Variants in FURIN observed in about 807,000 individuals in gnomAD.
FURIN encodes the protein furin, paired basic amino acid cleaving enzyme.
In FURIN, 18 loss-of-function variants were observed where a neutral mutation model predicts 89.2. That is an observed-to-expected ratio of 0.20 (90% CI 0.14 to 0.30). The LOEUF is 0.30. Among genes scored for constraint, FURIN ranks in the 10% least tolerant of loss-of-function variants. The pLI is 1.00. For synonymous variants in FURIN, 508 were observed against 466.4 expected, an observed-to-expected ratio of 1.09 and a Z score of -1.15; for missense variants, 879 against 1,100.5, an observed-to-expected ratio of 0.80 and a Z score of 2.85.
chr15:90,872,269 C>G (rs973101875), intron 1 of FURIN, among the ~76,000 whole-genome samples: 1 of 152,106 alleles, frequency 6.6e-6, no homozygotes, highest in Non-Finnish European at 1.5e-5. Context: ...GGCCGAGGCC[C>G]CTGTGCCCCC....
rs529362536 is a variant in FURIN, at chr15:90,878,169, G to A, written c.705G>A (p.Val235=). 3 of 1,613,932 alleles carry A rather than the reference G, an allele frequency of 1.9e-6. No individual in the cohort carries two copies. In the African/African-American group the frequency reaches 4.0e-5, roughly 22 times the overall value. The change falls in exon 8 of 16, where the codon GTG becomes GTA. Residue 235 remains valine (V), a synonymous_variant. Transcript: ENST00000268171. ...RMLDGEVTDA[V]EARSLGLNPN... ...TGGATGGCGAGGTGACAGATGCAGT[G>A]GAGGCACGCTCGCTGGGCCTGAACC... is the stretch of plus-strand genomic sequence containing the variant.
chr15:90,879,631 A>G (rs780168133), intron 10 of FURIN, 40 bp from the exon 11 acceptor site: 3 of 1,591,284 alleles, frequency 1.9e-6, no homozygotes, highest in Non-Finnish European at 2.6e-6. Context: ...GCTGCTCCCA[A>G]AAAAGACTGA....
At chr15:90,873,476 C>T (rs1212819635) in intron 1 of FURIN, among the ~76,000 whole-genome samples, 3 of 152,216 alleles carry the variant, frequency 2.0e-5, no homozygotes, top group South Asian at 2.1e-4. Context: ...ACTCACAGCA[C>T]GGTGGTTGGT....
At chr15:90,874,339 C>G (rs1005726362) in intron 1 of FURIN, among the ~76,000 whole-genome samples, 2 of 152,238 alleles carry the variant, frequency 1.3e-5, no homozygotes, top group South Asian at 2.1e-4. Context: ...TGCCTGGGCT[C>G]GGATTACGCA....
chr15:90,880,987 T>A lies in FURIN; in HGVS notation c.1739T>A (p.Val580Glu), dbSNP rs756119821. 2 of 1,614,108 alleles carry A rather than the reference T, an allele frequency of 1.2e-6. No homozygotes were observed. The highest frequency in any genetic ancestry group is 2.2e-5 in the South Asian group (2 of 91,070). The change falls in exon 15 of 16, where the codon GTA becomes GAA. Residue 580 changes from valine (V) to glutamate (E), a missense_variant. Physicochemically the swap from Val to Glu is moderately radical, Grantham distance 121. This residue lies in a region of FURIN where 457 missense variants were observed against 490.7 expected (regional missense o/e 0.93). Coordinates refer to ENST00000268171, the MANE Select transcript of FURIN (RefSeq NM_002569.4). Reference protein sequence around the residue: ...LYGTAPEGLPVPPESSGCKTL... With the variant: ...LYGTAPEGLPEPPESSGCKTL... ...GGCACCGCCCCTGAGGGGCTGCCCG[T>A]ACCTCCAGAAAGCAGTGGCTGCAAG...
intron 9 of FURIN, 85 bp downstream of exon 9, chr15:90,879,061 TC>T: frequency 1.2e-6 from 1 of 847,658 alleles, no homozygotes; most frequent in Non-Finnish European, 1.9e-6. Flanking sequence ...GCTGTCTGCC[TC>T]CACCCCCATG....
At chr15:90,872,050 C>G (rs2031340084) in intron 1 of FURIN, among the ~76,000 whole-genome samples, 1 of 151,434 alleles carries the variant, frequency 6.6e-6, no homozygotes, top group South Asian at 2.1e-4. Flanking sequence ...CCGCCGCCAC[C>G]GGGGCTGCCG....
At chr15:90,880,315 C>T (rs916385509) in intron 13 of FURIN, 42 bp downstream of exon 13, 12 of 1,489,822 alleles carry the variant, frequency 8.1e-6, no homozygotes, top group Non-Finnish European at 1.0e-5. Flanking sequence ...GCGCCGCCGC[C>T]TCTCACAGCC....
Position 90,881,922 on chromosome 15 carries a change from A to G in FURIN, c.*44A>G. The G allele has an allele frequency of 2.2e-6, 3 of 1,336,480 alleles. No individual in the cohort carries two copies. Among genetic ancestry groups the G allele is most frequent in the Non-Finnish European group, 3.1e-6 (3 of 957,382 alleles). 82.8% of individuals were successfully genotyped at this position (1,336,480 alleles called of 1,614,324 possible). ...CCTCAAGCCAATCCCCTCCTTGGGC[A>G]CTTTTTAATTCACCAAAGTATTTTT... is the stretch of plus-strand genomic sequence containing the variant. On this transcript the variant is annotated 3_prime_UTR_variant, in exon 16 of 16. Transcript: ENST00000268171. The surrounding 1 kb of genome is among the most constrained non-coding windows in gnomAD (Gnocchi z 4.3).
At chr15:90,880,057 T>C (rs370046330) in intron 12 of FURIN, 37 bp from the exon 13 acceptor site, 5 of 1,604,466 alleles carry the variant, frequency 3.1e-6, no homozygotes, top group Non-Finnish European at 4.3e-6. Flanking sequence ...CTGGTCCCTC[T>C]GGGCCAGGCT....
chr15:90,876,343 G>A lies in FURIN; in HGVS notation c.266G>A (p.Arg89Lys), dbSNP rs1456483815. 3.7e-6 allele frequency: 6 copies of A among 1,609,420 alleles called. No individual in the cohort carries two copies. The highest frequency in any genetic ancestry group is 4.3e-6 in the Non-Finnish European group (5 of 1,176,156). Residue 89 changes from arginine (R) to lysine (K), a missense_variant, in exon 3 of 16, where the codon AGG becomes AAG. Around this residue, in one of 5 missense-constraint regions of FURIN, gnomAD observed 125 missense variants for 125.0 expected, o/e 1.00. Coordinates refer to ENST00000268171, the MANE Select transcript of FURIN (RefSeq NM_002569.4). This position sits in a 1 kb window ranked among gnomAD's most constrained non-coding sequence, Gnocchi z 5.0. ...PHRPRHSRLQ[R>K]EPQVQWLEQQ... The stretch of plus-strand genomic sequence containing the variant: ...CGCCCGCGGCACAGCCGGCTGCAGA[G>A]GGAGCCTCAAGTGAGTGTGGCCCCA...
intron 7 of FURIN, 21 bp downstream of exon 7, chr15:90,877,636 C>T (rs2031708348): frequency 1.3e-6 from 2 of 1,512,340 alleles, no homozygotes; most frequent in African/African-American, 2.8e-5. Context: ...GCCTGGGCCA[C>T]CCTGTCTTCA....
Position 90,881,766 on chromosome 15 carries a change from C to T in FURIN, c.2273C>T (p.Ser758Phe), listed in dbSNP as rs567573924. The T allele has an allele frequency of 6.2e-7, 1 of 1,612,638 alleles. No individual in the cohort carries two copies. Among genetic ancestry groups the T allele is most frequent in the African/African-American group, 1.3e-5 (1 of 75,000 alleles). The change falls in exon 16 of 16, where the codon TCC becomes TTC. Residue 758 changes from serine to phenylalanine, a missense_variant. Ser to Phe is a radical substitution (Grantham distance 155). Transcript: ENST00000268171. The surrounding 1 kb of genome is among the most constrained non-coding windows in gnomAD (Gnocchi z 4.3). ...TACACCATGGACCGTGGCCTCATCT[C>T]CTACAAGGGGCTGCCCCCTGAAGCC... Reference protein sequence around the residue: ...KVYTMDRGLISYKGLPPEAWQ... With the variant: ...KVYTMDRGLIFYKGLPPEAWQ...
chr15:90,874,040 C>T (rs1050562618), intron 1 of FURIN, among the ~76,000 whole-genome samples: 2 of 152,162 alleles, frequency 1.3e-5, no homozygotes, highest in Admixed American at 6.5e-5. Flanking sequence ...GGCAGAGTGG[C>T]CTTGGCTATG....
Position 90,875,831 on chromosome 15 carries a change from A to T in FURIN, c.91A>T (p.Thr31Ser), listed in dbSNP as rs780811867. ...TGATGCTCAGGGCCAGAAGGTCTTC[A>T]CCAACACGTGGGCTGTGCGCATCCC... is the stretch of plus-strand genomic sequence containing the variant. Reference protein sequence around the residue: ...AADAQGQKVFTNTWAVRIPGG... With the variant: ...AADAQGQKVFSNTWAVRIPGG... Residue 31 changes from threonine (T) to serine (S), a missense_variant, in exon 2 of 16, where the codon ACC becomes TCC. This residue lies in a region of FURIN where 125 missense variants were observed against 125.0 expected (regional missense o/e 1.00). Coordinates refer to ENST00000268171, the MANE Select transcript of FURIN (RefSeq NM_002569.4). 3.2e-6 allele frequency: 5 copies of T among 1,573,122 alleles called. No individual in the cohort carries two copies. In the Admixed American group the frequency reaches 5.7e-5, roughly 18 times the overall value.
chr15:90,875,281 C>T (rs1176460412), intron 1 of FURIN, among the ~76,000 whole-genome samples: 3 of 152,016 alleles, frequency 2.0e-5, no homozygotes, highest in African/African-American at 4.8e-5. Context: ...GTGATCCACC[C>T]GCCTCAGCCT....
Position 90,881,543 on chromosome 15 carries a change from G to C in FURIN, c.2050G>C (p.Glu684Gln). The change falls in exon 16 of 16, where the codon GAG (glutamate) becomes CAG (glutamine). Residue 684 changes from glutamate to glutamine, a missense_variant. Around this residue, in one of 5 missense-constraint regions of FURIN, gnomAD observed 457 missense variants for 490.7 expected, o/e 0.93. Transcript: ENST00000268171. This position sits in a 1 kb window ranked among gnomAD's most constrained non-coding sequence, Gnocchi z 4.3. ...CTCCCGGCAAAGCCAGAGCAGCCGA[G>C]AGTCCCCGCCACAGCAGCAGCCACC... ...TCSRQSQSSR[E>Q]SPPQQQPPRL... The C allele has an allele frequency of 6.2e-7, 1 of 1,611,520 alleles. No individual in the cohort carries two copies. The highest frequency in any genetic ancestry group is 8.5e-7 in the Non-Finnish European group (1 of 1,179,448).
Position 90,876,663 on chromosome 15 carries a change from T to C in FURIN, c.372+106T>C. On this transcript the variant is annotated intron_variant, in intron 4 of 15. Coordinates refer to ENST00000268171, the MANE Select transcript of FURIN (RefSeq NM_002569.4). This position sits in a 1 kb window ranked among gnomAD's most constrained non-coding sequence, Gnocchi z 5.0. The stretch of plus-strand genomic sequence containing the variant: ...GTCTTCGAGGCCTCCTCTGATTCGT[T>C]TCCTTTCCTCCTGCTGGGCAGTCTC... The C allele has an allele frequency of 2.3e-6, 2 of 870,302 alleles. No homozygotes were observed. Among genetic ancestry groups the C allele is most frequent in the Non-Finnish European group, 3.8e-6 (2 of 526,970 alleles). 53.9% of individuals were successfully genotyped at this position (870,302 alleles called of 1,614,324 possible).
rs1253529994 is a variant in FURIN, at chr15:90,881,173, G to A, written c.1793-113G>A. 2 of 1,103,942 alleles carry A rather than the reference G, an allele frequency of 1.8e-6. No individual in the cohort carries two copies. Among genetic ancestry groups the A allele is most frequent in the Admixed American group, 2.1e-5 (1 of 48,138 alleles). 68.4% of individuals were successfully genotyped at this position (1,103,942 alleles called of 1,614,324 possible). Reference sequence around the variant, plus strand: ...CCCTGGGGCTCTTGGGATGACCACAGTCCTGGGGCTGGAGGATCCTGGGGA... The same window carrying A: ...CCCTGGGGCTCTTGGGATGACCACAATCCTGGGGCTGGAGGATCCTGGGGA... On this transcript the variant is annotated intron_variant, in intron 15 of 15. Coordinates refer to ENST00000268171, the MANE Select transcript of FURIN (RefSeq NM_002569.4). This position sits in a 1 kb window ranked among gnomAD's most constrained non-coding sequence, Gnocchi z 4.3.
Sources: allele counts gnomAD v4.1 joint callset (sites outside exome capture counted in the v4.1 genomes callset), GRCh38; gene constraint gnomAD v4.1.1; regional missense constraint gnomAD v4.1.1; non-coding constraint Gnocchi (gnomAD v3.1); transcripts MANE v1.5; gene names NCBI Gene and HGNC (gene_info 2026-07-23, HGNC 2026-07-21).